UBAP1L: variants seen among roughly 807,000 people sequenced by gnomAD.
The protein encoded by UBAP1L is ubiquitin-associated protein 1-like.
Under a neutral mutation model 32.1 loss-of-function variants are expected in UBAP1L, and 32 were observed. That is an observed-to-expected ratio of 1.00 (90% CI 0.75 to 1.34). UBAP1L has a LOEUF of 1.34. Ranked by LOEUF, UBAP1L falls within the 40% of genes most tolerant of loss-of-function variation. The pLI, the probability that UBAP1L is intolerant of heterozygous loss-of-function variation, is 0.00. For missense variants in UBAP1L, 516 were observed against 540.5 expected, an observed-to-expected ratio of 0.95 and a Z score of 0.45; for synonymous variants, 243 against 250.2, an observed-to-expected ratio of 0.97 and a Z score of 0.27.
chr15:65,105,747 C>G, intron 2 of UBAP1L: 1 of 699,092 alleles, frequency 1.4e-6, no homozygotes, highest in South Asian at 1.4e-5. Context: ...TAGGTGTGCC[C>G]AGGTCAAGTA....
intron 3 of UBAP1L, chr15:65,100,579 G>A (rs1171527320): frequency 6.6e-6 from 1 of 152,254 alleles, no homozygotes; most frequent in Non-Finnish European, 1.5e-5. Context: ...CATTTCCATT[G>A]GTTTGGCCGG....
intron 1 of UBAP1L, among the ~76,000 whole-genome samples, chr15:65,113,217 C>T (rs769254997): frequency 7.9e-5 from 12 of 151,962 alleles, no homozygotes; most frequent in Non-Finnish European, 1.0e-4. Context: ...GAAAACAAAA[C>T]GAAACAAAAC....
chr15:65,102,464 T>A lies in UBAP1L; in HGVS notation c.341A>T (p.Glu114Val). 7.0e-7 allele frequency: 1 copy of A among 1,428,356 alleles called. No individual in the cohort carries two copies. Among genetic ancestry groups the A allele is most frequent in the Non-Finnish European group, 9.2e-7 (1 of 1,090,618 alleles). The allele number at this position is 1,428,356 out of a possible 1,614,324, so 88.5% of individuals were successfully genotyped here. A position where few individuals can be genotyped will look rare whatever the true frequency, so the allele number is the denominator to read the frequency against. The stretch of plus-strand genomic sequence containing the variant: ...CTCTTCCTCGCTGCCAGAGGAGGCT[T>A]CTGCCTCGTCCTCACCCTCCTCCTC... Reference protein sequence around the residue: ...RPEEEGEDEAEASSGSEEEPA... With the variant: ...RPEEEGEDEAVASSGSEEEPA... The change falls in exon 3 of 6, where the codon GAA becomes GTA. Residue 114 changes from glutamate to valine, a missense_variant. By Grantham distance (121) the Glu-to-Val change is moderately radical (BLOSUM62 -2). Coordinates refer to ENST00000559089, the MANE Select transcript of UBAP1L (RefSeq NM_001163692.2). The surrounding 1 kb of genome is among the most constrained non-coding windows in gnomAD (Gnocchi z 5.0).
Position 65,094,023 on chromosome 15 carries a change from G to C in UBAP1L, c.1011+452C>G, listed in dbSNP as rs569901073. On this transcript the variant is annotated intron_variant, in intron 5 of 5. Coordinates refer to ENST00000559089, the MANE Select transcript of UBAP1L (RefSeq NM_001163692.2). The surrounding 1 kb of genome is among the most constrained non-coding windows in gnomAD (Gnocchi z 4.2). Reference sequence around the variant, plus strand: ...GATCGTGCCATTGCACTCCAGCCTGGGCAATAGAGTGAGACTCAGTCTCAG... The same window carrying C: ...GATCGTGCCATTGCACTCCAGCCTGCGCAATAGAGTGAGACTCAGTCTCAG... Among the ~76,000 whole-genome samples, 20 of 152,316 alleles carry C rather than the reference G, an allele frequency of 1.3e-4. No individual in the cohort carries two copies. Among genetic ancestry groups the C allele is most frequent in the African/African-American group, 4.8e-4 (20 of 41,560 alleles).
At chr15:65,108,465 C>T (rs1398893419) in intron 1 of UBAP1L, among the ~76,000 whole-genome samples, 2 of 152,168 alleles carry the variant, frequency 1.3e-5, no homozygotes, top group Non-Finnish European at 2.9e-5. Flanking sequence ...GGCTAACGGG[C>T]CAGGCACGTT....
chr15:65,102,787 G>A lies in UBAP1L; in HGVS notation c.121-103C>T, dbSNP rs1595921024. On this transcript the variant is annotated intron_variant, in intron 2 of 5. Transcript: ENST00000559089. The surrounding 1 kb of genome is among the most constrained non-coding windows in gnomAD (Gnocchi z 5.0). ...CCCTGTTCAGCCAGAGACTCTCTAA[G>A]CCTGGACAGCGTCAGATTCTGAGCC... is the stretch of plus-strand genomic sequence containing the variant. 9.3e-7 allele frequency: 1 copy of A among 1,072,594 alleles called. No individual in the cohort carries two copies. The highest frequency in any genetic ancestry group is 2.9e-5 in the East Asian group (1 of 34,104). The allele number at this position is 1,072,594 out of a possible 1,614,324, so 66.4% of individuals were successfully genotyped here. A position where few individuals can be genotyped will look rare whatever the true frequency, so the allele number is the denominator to read the frequency against.
intron 1 of UBAP1L, among the ~76,000 whole-genome samples, chr15:65,111,342 A>C (rs1232581157): frequency 1.3e-5 from 2 of 152,332 alleles, no homozygotes; most frequent in East Asian, 3.9e-4. Flanking sequence ...GAAGGGACAC[A>C]GTTCTATTGA....
chr15:65,094,740 T>C lies in UBAP1L; in HGVS notation c.910-164A>G, dbSNP rs2289437. ...AGCCCGTGAACCCACAGAAGGGGGA[T>C]AGAGGCTTTCTCTGAGTGCCTGGCG... On this transcript the variant is annotated intron_variant, in intron 4 of 5. Transcript: ENST00000559089. The surrounding 1 kb of genome is among the most constrained non-coding windows in gnomAD (Gnocchi z 4.2). 4.3e-4 allele frequency: 273 copies of C among 637,212 alleles called. 1 individual carries two copies. In the East Asian group the frequency reaches 7.0e-3, roughly 16 times the overall value. 39.5% of individuals were successfully genotyped at this position (637,212 alleles called of 1,614,324 possible). A position where few individuals can be genotyped will look rare whatever the true frequency, so the allele number is the denominator to read the frequency against.
intron 1 of UBAP1L, among the ~76,000 whole-genome samples, chr15:65,113,780 G>A (rs1165938950): frequency 6.6e-6 from 1 of 152,034 alleles, no homozygotes; most frequent in Non-Finnish European, 1.5e-5. Context: ...AAAAGAAAAA[G>A]CTGTTCATTC....
At chr15:65,114,392 A>G (rs1281953651) in intron 1 of UBAP1L, among the ~76,000 whole-genome samples, 1 of 152,154 alleles carries the variant, frequency 6.6e-6, no homozygotes, top group East Asian at 1.9e-4. Flanking sequence ...CATATTTTTT[A>G]TGATTATTGG....
chr15:65,106,057 C>T, intron 2 of UBAP1L, 39 bp downstream of exon 2: 5 of 1,549,726 alleles, frequency 3.2e-6, no homozygotes, highest in Non-Finnish European at 4.4e-6. Context: ...AGCCCCAGAC[C>T]CACAGACCCA....
chr15:65,102,081 T>G lies in UBAP1L; in HGVS notation c.699+25A>C. The G allele has an allele frequency of 3.6e-6, 4 of 1,118,886 alleles. No individual in the cohort carries two copies. The highest frequency in any genetic ancestry group is 4.5e-6 in the Non-Finnish European group (4 of 891,876). The allele number at this position is 1,118,886 out of a possible 1,614,324, so 69.3% of individuals were successfully genotyped here. ...GGGCCTGGGCTGCTGATTGGCGGCC[T>G]TGGAGGGGCGGGCAGAATCCTTACC... is the stretch of plus-strand genomic sequence containing the variant. On this transcript the variant is annotated intron_variant, in intron 3 of 5. Transcript: ENST00000559089. This position sits in a 1 kb window ranked among gnomAD's most constrained non-coding sequence, Gnocchi z 5.0.
At chr15:65,107,739 CAA>C (rs56359277) in intron 1 of UBAP1L, among the ~76,000 whole-genome samples, 62,886 of 94,290 alleles carry the variant, frequency 0.67, 19,128 homozygotes, top group East Asian at 0.9. Flanking sequence ...AACGCTGTCT[CAA>C]AAAAAAAAAA....
chr15:65,099,060 G>A (rs777744744), intron 4 of UBAP1L: 4 of 154,966 alleles, frequency 2.6e-5, no homozygotes, highest in Non-Finnish European at 5.7e-5. Context: ...TGTCCTTGGA[G>A]TGTCATCATG....
At chr15:65,095,242 C>T (rs1479070399) in intron 4 of UBAP1L, 1 of 152,594 alleles carries the variant, frequency 6.6e-6, no homozygotes, top group Non-Finnish European at 1.5e-5. Flanking sequence ...CTCCCTCACC[C>T]TCCAGGTCTC....
chr15:65,112,477 A>C (rs1171431207), intron 1 of UBAP1L, among the ~76,000 whole-genome samples: 1 of 152,148 alleles, frequency 6.6e-6, no homozygotes, highest in East Asian at 1.9e-4. Context: ...ACACTAGCCC[A>C]TGAGGTGGTG....
At position 65,106,189 on chromosome 15, in the gene UBAP1L, G is replaced by A. The variant is rs1418888453; in HGVS notation, c.27C>T (p.Phe9=). 5 of 1,548,928 alleles carry A rather than the reference G, an allele frequency of 3.2e-6. No homozygotes were observed. Among genetic ancestry groups the A allele is most frequent in the Middle Eastern group, 1.7e-4 (1 of 5,982 alleles). The change falls in exon 2 of 6, where the codon TTC becomes TTT. Residue 9 remains phenylalanine (F), a synonymous_variant. Transcript: ENST00000559089. ...CTATCACAAAGCCCTTGGGCAACTTGAAAGGAACACCATCGAGGGCATTCA... is the reference window on the plus strand; with the variant it reads ...CTATCACAAAGCCCTTGGGCAACTTAAAAGGAACACCATCGAGGGCATTCA... MNALDGVP[F]KLPKGFVIGT...
intron 1 of UBAP1L, among the ~76,000 whole-genome samples, chr15:65,106,619 T>C (rs1374023672): frequency 1.3e-5 from 2 of 150,554 alleles, no homozygotes; most frequent in Admixed American, 1.4e-4. Context: ...TTCTAACTCA[T>C]TTTGATTTTA....
intron 3 of UBAP1L, chr15:65,100,970 A>G (rs1467570452): frequency 6.6e-6 from 1 of 152,214 alleles, no homozygotes; most frequent in Non-Finnish European, 1.5e-5. Flanking sequence ...TGGCATCAAC[A>G]TCTGGTCTTG....
Sources: allele counts gnomAD v4.1 joint callset (sites outside exome capture counted in the v4.1 genomes callset), GRCh38; gene constraint gnomAD v4.1.1; non-coding constraint Gnocchi (gnomAD v3.1); transcripts MANE v1.5; gene names NCBI Gene and HGNC (gene_info 2026-07-23, HGNC 2026-07-21).